Variants in TBX5 observed in about 807,000 individuals in gnomAD.
TBX5 encodes the protein T-box transcription factor 5, also known as T-box transcription factor TBX5.
A neutral mutation model predicts 51.1 loss-of-function variants in TBX5; 8 were observed. The ratio of observed to expected loss-of-function variants is 0.16; its 90% confidence interval spans 0.09 to 0.28. The LOEUF (loss-of-function observed/expected upper bound fraction) is 0.28. Ranked by LOEUF, TBX5 falls within the 10% of genes least tolerant of loss-of-function variation. The pLI, the probability that TBX5 is intolerant of heterozygous loss-of-function variation, is 1.00. For synonymous variants in TBX5, 302 were observed against 266.4 expected (o/e 1.13, Z -1.30); for missense variants, 589 against 671.7 (o/e 0.88, Z 1.36).
chr12:114,393,968 C>A lies in TBX5; in HGVS notation c.663+773G>T, dbSNP rs574707453. Among the ~76,000 whole-genome samples the A allele has an allele frequency of 2.6e-5, 4 of 152,290 alleles. No individual in the cohort carries two copies. In the East Asian group the frequency reaches 7.7e-4, roughly 29 times the overall value. ...ACAATTAGGGAAGCATCAGGAAAGT[C>A]CAATCCTAAGGATCCCGGCAACTTT... is the stretch of plus-strand genomic sequence containing the variant. On this transcript the variant is annotated intron_variant, in intron 6 of 8. Transcript: ENST00000405440.
chr12:114,391,390 G>A lies in TBX5; in HGVS notation c.663+3351C>T, dbSNP rs76418271. Among the ~76,000 whole-genome samples the A allele has an allele frequency of 4.2e-3, 641 of 152,274 alleles. 6 individuals are homozygous for A. The highest frequency in any genetic ancestry group is 0.015 in the African/African-American group (610 of 41,550). The stretch of plus-strand genomic sequence containing the variant: ...AGAATGAGTAAACAAAGAGTTTTCC[G>A]AAGTCTGTGTTTTGGATGGAGTCGC... On this transcript the variant is annotated intron_variant, in intron 6 of 8. Coordinates refer to ENST00000405440, the MANE Select transcript of TBX5 (RefSeq NM_181486.4).
At position 114,355,746 on chromosome 12, in the gene TBX5, G is replaced by A. The variant is rs772790458; in HGVS notation, c.1343C>T (p.Pro448Leu). Residue 448 changes from proline (P) to leucine (L), a missense_variant, in exon 9 of 9, where the codon CCA (proline) becomes CTA (leucine). Around this residue, in one of 7 missense-constraint regions of TBX5, gnomAD observed 348 missense variants for 360.4 expected, o/e 0.97. Transcript: ENST00000405440. Reference protein sequence around the residue: ...RLAGMANHGSPQLGEGMFQHQ... With the variant: ...RLAGMANHGSLQLGEGMFQHQ... ...CTGGAACATTCCCTCTCCCAGCTGT[G>A]GGGAGCCATGGTTGGCCATGCCAGC... 4.3e-6 allele frequency: 7 copies of A among 1,613,982 alleles called. No individual in the cohort carries two copies. Among genetic ancestry groups the A allele is most frequent in the Non-Finnish European group, 5.9e-6 (7 of 1,180,006 alleles).
intron 6 of TBX5, among the ~76,000 whole-genome samples, chr12:114,387,515 A>G (rs1242059944): frequency 6.6e-6 from 1 of 152,220 alleles, no homozygotes; most frequent in Non-Finnish European, 1.5e-5. Flanking sequence ...GGAAAGAGGG[A>G]GGGATGAATA....
At chr12:114,403,091 G>A (rs1256963316) in intron 2 of TBX5, among the ~76,000 whole-genome samples, 1 of 152,254 alleles carries the variant, frequency 6.6e-6, no homozygotes, top group Non-Finnish European at 1.5e-5. Flanking sequence ...GGCGCAGAGC[G>A]CAAGGTGAGG....
rs79304089 is a variant in TBX5 at position 114,367,113 on chromosome 12, G to A, written c.756-722C>T. Among the ~76,000 whole-genome samples the A allele has an allele frequency of 2.0e-5, 3 of 152,010 alleles. No individual in the cohort carries two copies. The East Asian group carries it at 5.8e-4, about 29-fold the overall frequency. ...GCACAGAGTAAATGCTCAACAAATG[G>A]CAACCATCGTCATTACTGTTATTGT... On this transcript the variant is annotated intron_variant, in intron 7 of 8. Transcript: ENST00000405440.
At chr12:114,390,957 G>A (rs371370495) in intron 6 of TBX5, among the ~76,000 whole-genome samples, 6 of 152,158 alleles carry the variant, frequency 3.9e-5, no homozygotes, top group Admixed American at 1.3e-4. Context: ...AATCCAGCCC[G>A]AGATCACAGC....
chr12:114,403,281 A>G (rs1373339435), intron 2 of TBX5, among the ~76,000 whole-genome samples: 1 of 152,204 alleles, frequency 6.6e-6, no homozygotes, highest in Non-Finnish European at 1.5e-5. Flanking sequence ...AGGCAGGAGG[A>G]GGCAGGAGGA....
intron 7 of TBX5, among the ~76,000 whole-genome samples, chr12:114,370,681 C>CT (rs1869851580): frequency 6.6e-6 from 1 of 151,622 alleles, no homozygotes; most frequent in Non-Finnish European, 1.5e-5. Flanking sequence ...CTATCTTCCT[C>CT]TTTTTTATAT....
At chr12:114,380,608 C>T (rs1250653419) in intron 7 of TBX5, among the ~76,000 whole-genome samples, 2 of 152,112 alleles carry the variant, frequency 1.3e-5, no homozygotes, top group African/African-American at 2.4e-5. Flanking sequence ...AAGGCCAGGA[C>T]ATGAGGATTG....
intron 7 of TBX5, among the ~76,000 whole-genome samples, chr12:114,376,141 G>A (rs1870172205): frequency 6.6e-6 from 1 of 150,874 alleles, no homozygotes; most frequent in African/African-American, 2.4e-5. Flanking sequence ...CAAAGGAAAT[G>A]AAATCAGTAT....
chr12:114,401,041 G>T (rs534990373), intron 3 of TBX5, among the ~76,000 whole-genome samples: 2 of 152,230 alleles, frequency 1.3e-5, no homozygotes, highest in African/African-American at 4.8e-5. Flanking sequence ...CGTCCAGCAC[G>T]GGTAGGGATG....
At chr12:114,358,404 C>T (rs1015961769) in intron 8 of TBX5, among the ~76,000 whole-genome samples, 1 of 152,166 alleles carries the variant, frequency 6.6e-6, no homozygotes, top group Admixed American at 6.5e-5. Flanking sequence ...AGACTAAATC[C>T]TTTGGCTTTG....
At chr12:114,388,385 G>T (rs755610979) in intron 6 of TBX5, among the ~76,000 whole-genome samples, 7 of 152,194 alleles carry the variant, frequency 4.6e-5, no homozygotes, top group Non-Finnish European at 7.3e-5. Flanking sequence ...TCAAACTCCT[G>T]ATCTCAGGTG....
At chr12:114,382,446 T>G (rs1368624357) in intron 7 of TBX5, among the ~76,000 whole-genome samples, 1 of 152,140 alleles carries the variant, frequency 6.6e-6, no homozygotes, top group Non-Finnish European at 1.5e-5. Context: ...GGTAGATCAC[T>G]TGAGTCCAGG....
chr12:114,365,316 C>T (rs1869459518), intron 8 of TBX5, among the ~76,000 whole-genome samples: 1 of 151,900 alleles, frequency 6.6e-6, no homozygotes, highest in African/African-American at 2.4e-5. Context: ...CTTGTAATAC[C>T]ATCAGGGACC....
At chr12:114,360,790 CTTTTTGTTGTTGTTG>C (rs956627399) in intron 8 of TBX5, among the ~76,000 whole-genome samples, 7 of 151,694 alleles carry the variant, frequency 4.6e-5, no homozygotes, top group African/African-American at 9.7e-5. Context: ...GGGTGGATGA[CTTTTTGTTGTTGTTG>C]TTTTTGTTGT....
chr12:114,408,304 A>G, upstream of TBX5: 1 of 786,536 alleles, frequency 1.3e-6, no homozygotes, highest in Non-Finnish European at 1.5e-6. Flanking sequence ...CATAAGACAC[A>G]AATAGAGCCA....
chr12:114,395,892 G>A (rs1276916418), intron 5 of TBX5, among the ~76,000 whole-genome samples: 4 of 152,142 alleles, frequency 2.6e-5, no homozygotes, highest in Admixed American at 6.5e-5. Context: ...AGTCACAGAT[G>A]AGCATCCTCA....
chr12:114,406,197 C>T (rs1464687943), upstream of TBX5: 5 of 183,324 alleles, frequency 2.7e-5, no homozygotes, highest in Non-Finnish European at 3.0e-5. Flanking sequence ...TCCCCCTTCT[C>T]TCTCCCTCCC....
Sources: allele counts gnomAD v4.1 joint callset (sites outside exome capture counted in the v4.1 genomes callset), GRCh38; gene constraint gnomAD v4.1.1; regional missense constraint gnomAD v4.1.1; transcripts MANE v1.5; gene names NCBI Gene and HGNC (gene_info 2026-07-23, HGNC 2026-07-21).